The following PNPLA2 variants were observed in gnomAD, a reference collection of about 807,000 sequenced individuals.
PNPLA2 encodes patatin-like phospholipase domain-containing protein 2.
Under a neutral mutation model 39.7 loss-of-function variants are expected in PNPLA2, and 28 were observed. That is an observed-to-expected ratio of 0.70 (90% CI 0.52 to 0.97). The LOEUF is 0.97. Among genes scored for constraint, PNPLA2 ranks in the 50% least tolerant of loss-of-function variants. The probability of loss-of-function intolerance (pLI) is 0.00; values close to 1 mark genes in which losing one functional copy is unlikely to be tolerated. For missense variants in PNPLA2, 768 were observed against 698.2 expected (o/e 1.10, Z -1.13); for synonymous variants, 392 against 321.1 (o/e 1.22, Z -2.36).
intron 5 of PNPLA2, among the ~76,000 whole-genome samples, chr11:823,261 G>T (rs1026712914): frequency 1.3e-5 from 2 of 151,902 alleles, no homozygotes; most frequent in African/African-American, 4.8e-5. Flanking sequence ...GTTTCACCGT[G>T]TTAGCCAGGA....
In PNPLA2 at chr11:822,478, G is replaced by A. The variant is rs1395689685; in HGVS notation, c.568G>A (p.Glu190Lys). The change falls in exon 5 of 10, where the codon GAG (glutamate) becomes AAG (lysine). Residue 190 changes from glutamate to lysine, a missense_variant. Transcript: ENST00000336615. ...NTITVSPFSGESDICPQDSST... is the reference protein window; with the variant it reads ...NTITVSPFSGKSDICPQDSST... ...CATCACAGTGTCCCCCTTCTCGGGC[G>A]AGAGTGACATCTGTCCGCAGGACAG... 4.3e-6 allele frequency: 7 copies of A among 1,614,072 alleles called. No homozygotes were observed. The highest frequency in any genetic ancestry group is 2.2e-5 in the East Asian group (1 of 44,884).
chr11:822,365 A>T (rs1845695080), intron 4 of PNPLA2, 32 bp from the exon 5 acceptor site: 1 of 1,596,068 alleles, frequency 6.3e-7, no homozygotes, highest in African/African-American at 1.3e-5. Flanking sequence ...ACAGGCCCTC[A>T]CATACGGTCC....
intron 2 of PNPLA2, among the ~76,000 whole-genome samples, chr11:820,129 G>A (rs1845620592): frequency 6.6e-6 from 1 of 152,242 alleles, no homozygotes; most frequent in Non-Finnish European, 1.5e-5. Context: ...CGCCTGTCTG[G>A]CGCAAAGGTT....
At chr11:820,526 G>C (rs1845634458) in intron 2 of PNPLA2, among the ~76,000 whole-genome samples, 2 of 152,234 alleles carry the variant, frequency 1.3e-5, no homozygotes. Flanking sequence ...CTGGGCTCTG[G>C]TGCCTGGGTC....
At position 822,041 on chromosome 11, in the gene PNPLA2, T is replaced by G; in HGVS notation, c.486+18T>G. 1 of 1,610,632 alleles carries G rather than the reference T, an allele frequency of 6.2e-7. No individual in the cohort carries two copies. Among genetic ancestry groups the G allele is most frequent in the Non-Finnish European group, 8.5e-7 (1 of 1,177,202 alleles). The stretch of plus-strand genomic sequence containing the variant: ...AGGGGGTGGTGAGTATTCCTAGCCC[T>G]GGACACCTTCTATGGGGTGGGCCGT... On this transcript the variant is annotated intron_variant, in intron 4 of 9. Transcript: ENST00000336615.
rs758441632 is a variant in PNPLA2, at chr11:821,821, C to A, written c.381C>A (p.Val127=). ...CCCGCGTGTCAGACGGCGAGAATGT[C>A]ATTATATCCCACTTCAACTCCAAGG... ...SLTRVSDGEN[V]IISHFNSKDE... Residue 127 remains valine (V), a synonymous_variant, in exon 3 of 10, where the codon GTC becomes GTA. Coordinates refer to ENST00000336615, the MANE Select transcript of PNPLA2 (RefSeq NM_020376.4). The A allele has an allele frequency of 6.2e-7, 1 of 1,613,924 alleles. No individual in the cohort carries two copies.
rs757647577 is a variant in PNPLA2, at chr11:824,459, AC to A, written c.1175+26del. The A allele has an allele frequency of 8.4e-6, 13 of 1,549,102 alleles. No individual in the cohort carries two copies. In the South Asian group the frequency reaches 1.4e-4, roughly 17 times the overall value. ...CAGGTGAGCCGCCGACCGCGCGTCC[AC>A]CCGGGGCCCGCGGTGCTAGCGCCGG... On this transcript the variant is annotated intron_variant, in intron 9 of 9. Coordinates refer to ENST00000336615, the MANE Select transcript of PNPLA2 (RefSeq NM_020376.4).
intron 3 of PNPLA2, 38 bp from the exon 4 acceptor site, chr11:821,920 C>G: frequency 6.2e-7 from 1 of 1,612,130 alleles, no homozygotes; most frequent in Non-Finnish European, 8.5e-7. Flanking sequence ...ACCTCAAGGC[C>G]TCTGCTCATT....
chr11:823,960 C>T, intron 7 of PNPLA2, 38 bp from the exon 8 acceptor site: 1 of 1,565,544 alleles, frequency 6.4e-7, no homozygotes, highest in South Asian at 1.2e-5. Flanking sequence ...CTGGGCCCCG[C>T]TGCCTCCACT....
rs760290166 is a variant in PNPLA2 at position 821,946 on chromosome 11, C to T, written c.421-12C>T. Reference sequence around the variant, plus strand: ...TCTGCTCATTCTCTCCCACTCTGTCCCTGCCCTGAAGGCCAATGTCTGCAG... The same window carrying T: ...TCTGCTCATTCTCTCCCACTCTGTCTCTGCCCTGAAGGCCAATGTCTGCAG... On this transcript the variant is annotated splice_polypyrimidine_tract_variant and intron_variant, in intron 3 of 9. Coordinates refer to ENST00000336615, the MANE Select transcript of PNPLA2 (RefSeq NM_020376.4). 3.1e-6 allele frequency: 5 copies of T among 1,613,804 alleles called. No individual in the cohort carries two copies. The highest frequency in any genetic ancestry group is 4.2e-6 in the Non-Finnish European group (5 of 1,179,944).
intron 4 of PNPLA2, 175 bp downstream of exon 4, chr11:822,198 C>T (rs1845689703): frequency 6.6e-6 from 5 of 761,786 alleles, no homozygotes; most frequent in South Asian, 6.1e-5. Context: ...GCCCCCCATC[C>T]CTTCCTCCGT....
At position 823,817 on chromosome 11, in the gene PNPLA2, AT is replaced by A; in HGVS notation, c.882del (p.His295ThrfsTer25). The A allele has an allele frequency of 6.2e-7, 1 of 1,600,236 alleles. No homozygotes were observed. The highest frequency in any genetic ancestry group is 8.5e-7 in the Non-Finnish European group (1 of 1,174,300). On this transcript the variant is annotated frameshift_variant, in exon 7 of 10. Coordinates refer to ENST00000336615, the MANE Select transcript of PNPLA2 (RefSeq NM_020376.4). LOFTEE classifies it high-confidence loss of function. ...AEDYSQLPGE[D>X]HILEHLPARL... ...GATTACTCGCAGCTGCCCGGAGAAG[AT>A]CACATCCTGGAGCACCTGCCCGCCC... is the stretch of plus-strand genomic sequence containing the variant.
chr11:823,406 A>G, intron 5 of PNPLA2, 121 bp from the exon 6 acceptor site: 1 of 852,906 alleles, frequency 1.2e-6, no homozygotes, highest in Admixed American at 2.0e-5. Context: ...GATCTAGGAT[A>G]GGTTTTGGGG....
Position 823,703 on chromosome 11 carries a change from A to T in PNPLA2, c.767A>T (p.Asn256Ile). ...CTCTCCCCAACCCCAGGCCTCCTGA[A>T]CCGGCCCAACCCCTTGCTGGCGTTG... is the stretch of plus-strand genomic sequence containing the variant. ...LRFLQRNGLL[N>I]RPNPLLALPP... Residue 256 changes from asparagine (N) to isoleucine (I), a missense_variant, in exon 7 of 10, where the codon AAC (asparagine) becomes ATC (isoleucine). Asn to Ile is a moderately radical substitution (Grantham distance 149). Coordinates refer to ENST00000336615, the MANE Select transcript of PNPLA2 (RefSeq NM_020376.4). The T allele has an allele frequency of 6.2e-7, 1 of 1,607,360 alleles. No homozygotes were observed. Among genetic ancestry groups the T allele is most frequent in the Non-Finnish European group, 8.5e-7 (1 of 1,177,560 alleles).
rs1408575198 is a variant in PNPLA2 at position 825,022 on chromosome 11, C to A, written c.*160C>A. ...TGAGAGGGGAGGTTTCCACACCCCTCCCCTGGGCCGCTGAGGCCCCGCGCA... is the reference window on the plus strand; with the variant it reads ...TGAGAGGGGAGGTTTCCACACCCCTACCCTGGGCCGCTGAGGCCCCGCGCA... On this transcript the variant is annotated 3_prime_UTR_variant, in exon 10 of 10. Transcript: ENST00000336615. 6 of 703,326 alleles carry A rather than the reference C, an allele frequency of 8.5e-6. No individual in the cohort carries two copies. The highest frequency in any genetic ancestry group is 2.7e-5 in the East Asian group (1 of 36,578). 43.6% of individuals were successfully genotyped at this position (703,326 alleles called of 1,614,324 possible).
Position 823,556 on chromosome 11 carries a change from C to G in PNPLA2, c.726C>G (p.Tyr242Ter). 1 of 1,611,346 alleles carries G rather than the reference C, an allele frequency of 6.2e-7. No individual in the cohort carries two copies. Among genetic ancestry groups the G allele is most frequent in the Non-Finnish European group, 8.5e-7 (1 of 1,179,250 alleles). ...LVLREMCKQG[Y>*]RDGLRFLQRN... Reference sequence around the variant, plus strand: ...TGCGAGAGATGTGCAAGCAGGGATACCGGGATGGCCTGCGCTTTCTGCAGC... The same window carrying G: ...TGCGAGAGATGTGCAAGCAGGGATAGCGGGATGGCCTGCGCTTTCTGCAGC... The change falls in exon 6 of 10, where the codon TAC becomes TAG. Residue 242 changes from tyrosine to a stop codon, truncating the protein, a stop_gained. Transcript: ENST00000336615. LOFTEE classifies it high-confidence loss of function.
intron 2 of PNPLA2, among the ~76,000 whole-genome samples, chr11:820,382 C>T (rs911793137): frequency 4.6e-5 from 7 of 152,138 alleles, no homozygotes; most frequent in African/African-American, 1.4e-4. Context: ...CCCAAGGGCC[C>T]GGAGGAGGAG....
In PNPLA2 at chr11:824,641, G is replaced by T. The variant is rs897779955; in HGVS notation, c.1294G>T (p.Ala432Ser). 20 of 1,597,220 alleles carry T rather than the reference G, an allele frequency of 1.3e-5. No homozygotes were observed. The highest frequency in any genetic ancestry group is 1.7e-5 in the Non-Finnish European group (20 of 1,177,180). ...GCGCAACAACCTCTCGCTGGGGGAC[G>T]CGCTGGCCAAGTGGGAGGAGTGCCA... is the stretch of plus-strand genomic sequence containing the variant. ...WMRNNLSLGD[A>S]LAKWEECQRQ... The change falls in exon 10 of 10, where the codon GCG (alanine) becomes TCG (serine). Residue 432 changes from alanine to serine, a missense_variant. Physicochemically the swap from Ala to Ser is moderately conservative, Grantham distance 99. Transcript: ENST00000336615.
intron 4 of PNPLA2, 77 bp from the exon 5 acceptor site, chr11:822,320 G>C (rs1226255709): frequency 3.0e-6 from 4 of 1,322,328 alleles, no homozygotes; most frequent in African/African-American, 1.4e-5. Context: ...CTTGGTGGCC[G>C]GGTGGGGTGG....
Sources: allele counts gnomAD v4.1 joint callset (sites outside exome capture counted in the v4.1 genomes callset), GRCh38; gene constraint gnomAD v4.1.1; transcripts MANE v1.5; gene names NCBI Gene and HGNC (gene_info 2026-07-23, HGNC 2026-07-21).